SGPP2: variants seen among roughly 807,000 people sequenced by gnomAD.
SGPP2 encodes the protein sphingosine 1-phosphate phosphohydrolase 2.
Under a neutral mutation model 33.9 loss-of-function variants are expected in SGPP2, and 30 were observed. That is an observed-to-expected ratio of 0.89 (90% CI 0.66 to 1.20). The LOEUF is 1.20. SGPP2 is among the 50% of genes most tolerant of loss of function. The probability of loss-of-function intolerance (pLI) is 0.00; values close to 1 mark genes in which losing one functional copy is unlikely to be tolerated. For synonymous variants in SGPP2, 233 were observed against 225.0 expected, an observed-to-expected ratio of 1.04 and a Z score of -0.32; for missense variants, 458 against 532.1, an observed-to-expected ratio of 0.86 and a Z score of 1.37.
intron 1 of SGPP2, among the ~76,000 whole-genome samples, chr2:222,461,679 C>T (rs1346859161): frequency 6.6e-6 from 1 of 151,792 alleles, no homozygotes; most frequent in Non-Finnish European, 1.5e-5. Flanking sequence ...CAGCCTAGAT[C>T]CCTCGCATGT....
At chr2:222,540,412 C>T (rs1380623068) in intron 4 of SGPP2, among the ~76,000 whole-genome samples, 1 of 152,158 alleles carries the variant, frequency 6.6e-6, no homozygotes, top group Non-Finnish European at 1.5e-5. Context: ...ATTTGGGATG[C>T]TGAACCTGTA....
At chr2:222,511,422 G>A (rs1190333589) in intron 2 of SGPP2, among the ~76,000 whole-genome samples, 3 of 152,148 alleles carry the variant, frequency 2.0e-5, no homozygotes, top group African/African-American at 4.8e-5. Context: ...CCATGTGGGG[G>A]CCCCTAGCCA....
At chr2:222,536,033 T>C (rs1370936147) in intron 4 of SGPP2, among the ~76,000 whole-genome samples, 1 of 152,170 alleles carries the variant, frequency 6.6e-6, no homozygotes, top group Non-Finnish European at 1.5e-5. Flanking sequence ...CTACTGCGTG[T>C]TGTATTTGTG....
intron 4 of SGPP2, among the ~76,000 whole-genome samples, chr2:222,556,066 GATGCT>G (rs1689393103): frequency 6.6e-6 from 1 of 152,192 alleles, no homozygotes; most frequent in South Asian, 2.1e-4. Flanking sequence ...GGAAGACTTA[GATGCT>G]GAAGAAACAG....
intron 1 of SGPP2, among the ~76,000 whole-genome samples, chr2:222,433,934 A>C (rs2106058951): frequency 6.6e-6 from 1 of 152,308 alleles, no homozygotes; most frequent in South Asian, 2.1e-4. Context: ...ACTTCTAATT[A>C]AGATGTCAAG....
At chr2:222,524,038 C>T (rs1389603002) in intron 3 of SGPP2, among the ~76,000 whole-genome samples, 2 of 152,200 alleles carry the variant, frequency 1.3e-5, no homozygotes, top group Non-Finnish European at 2.9e-5. Flanking sequence ...CAGATCATTT[C>T]ACCTCTCTGA....
chr2:222,453,899 C>A (rs1478906731), intron 1 of SGPP2, among the ~76,000 whole-genome samples: 1 of 152,104 alleles, frequency 6.6e-6, no homozygotes, highest in African/African-American at 2.4e-5. Context: ...GTTGAGGAAA[C>A]GGAGGCACAG....
At chr2:222,475,882 A>C (rs1206321315) in intron 2 of SGPP2, among the ~76,000 whole-genome samples, 3 of 152,186 alleles carry the variant, frequency 2.0e-5, no homozygotes, top group African/African-American at 7.2e-5. Context: ...CTCATTTGTA[A>C]AATTGTGTGA....
chr2:222,534,827 A>C (rs1032142982), intron 4 of SGPP2, among the ~76,000 whole-genome samples: 1 of 152,150 alleles, frequency 6.6e-6, no homozygotes, highest in Admixed American at 6.5e-5. Flanking sequence ...AAAAATAGGG[A>C]ATTATTTCTA....
At chr2:222,503,223 C>T (rs1411835838) in intron 2 of SGPP2, among the ~76,000 whole-genome samples, 1 of 152,104 alleles carries the variant, frequency 6.6e-6, no homozygotes, top group Non-Finnish European at 1.5e-5. Context: ...AAACCAAGAG[C>T]GTTGTTGCTA....
intron 1 of SGPP2, among the ~76,000 whole-genome samples, chr2:222,456,413 G>A (rs999678321): frequency 1.3e-5 from 2 of 152,130 alleles, no homozygotes; most frequent in African/African-American, 4.8e-5. Context: ...TTGGGAACTG[G>A]ATCTTTTATT....
chr2:222,446,217 A>G (rs911345443), intron 1 of SGPP2, among the ~76,000 whole-genome samples: 2 of 152,098 alleles, frequency 1.3e-5, no homozygotes, highest in Admixed American at 6.6e-5. Flanking sequence ...AATGAGAGAT[A>G]AGAGGTGGAG....
chr2:222,484,398 C>T (rs562454942), intron 2 of SGPP2, among the ~76,000 whole-genome samples: 33 of 152,216 alleles, frequency 2.2e-4, no homozygotes, highest in African/African-American at 7.9e-4. Flanking sequence ...TTTACTGTAT[C>T]GTGTGGATGG....
intron 2 of SGPP2, among the ~76,000 whole-genome samples, chr2:222,520,081 G>GA (rs1698660629): frequency 6.6e-6 from 1 of 152,196 alleles, no homozygotes; most frequent in African/African-American, 2.4e-5. Flanking sequence ...AGTTCTTTGA[G>GA]AAATCTCCAA....
intron 1 of SGPP2, among the ~76,000 whole-genome samples, chr2:222,463,709 T>C (rs772885119): frequency 8.5e-5 from 13 of 152,248 alleles, no homozygotes; most frequent in Non-Finnish European, 1.8e-4. Context: ...AGCCCTTGTA[T>C]AAAACCACCT....
intron 4 of SGPP2, among the ~76,000 whole-genome samples, chr2:222,552,021 G>T (rs1351988404): frequency 6.6e-6 from 1 of 152,100 alleles, no homozygotes; most frequent in African/African-American, 2.4e-5. Flanking sequence ...TCTCATCCAG[G>T]TTGCTGTGAG....
chr2:222,437,165 C>T (rs1056023191), intron 1 of SGPP2, among the ~76,000 whole-genome samples: 4 of 152,224 alleles, frequency 2.6e-5, no homozygotes, highest in African/African-American at 4.8e-5. Flanking sequence ...TCAGAGAGTT[C>T]CATCCACATA....
intron 1 of SGPP2, among the ~76,000 whole-genome samples, chr2:222,439,309 G>A (rs1344507671): frequency 6.6e-6 from 1 of 152,132 alleles, no homozygotes; most frequent in Non-Finnish European, 1.5e-5. Flanking sequence ...CATTCAAGGT[G>A]TTCTGGGTCT....
intron 4 of SGPP2, among the ~76,000 whole-genome samples, chr2:222,534,075 A>G (rs139937100): frequency 2.6e-5 from 4 of 152,222 alleles, no homozygotes; most frequent in Non-Finnish European, 4.4e-5. Context: ...GTCCCATGAT[A>G]TGCTCTCTGC....
Sources: gnomAD v4.1 joint callset for allele counts (sites outside exome capture counted in the v4.1 genomes callset) on GRCh38, gnomAD v4.1.1 for gene constraint, MANE v1.5 for transcripts, NCBI Gene and HGNC (gene_info 2026-07-23, HGNC 2026-07-21) for gene names.